ANO1: variants seen among roughly 807,000 people sequenced by gnomAD.
ANO1 encodes the protein anoctamin-1.
Under a neutral mutation model 124.0 loss-of-function variants are expected in ANO1, and 59 were observed. The ratio of observed to expected loss-of-function variants is 0.48; its 90% CI spans 0.39 to 0.59. The LOEUF is 0.59. ANO1 is among the 20% of genes least tolerant of loss of function. The pLI is 0.00. For synonymous variants in ANO1, 529 were observed against 532.0 expected, an observed-to-expected ratio of 0.99 and a Z score of 0.08; for missense variants, 1,059 against 1,328.0, an observed-to-expected ratio of 0.80 and a Z score of 3.15.
the ANO1 span, among the ~76,000 whole-genome samples, chr11:69,976,508 A>T: frequency 7.8e-4 from 2 of 2,568 alleles, no homozygotes; most frequent in Non-Finnish European, 2.3e-3. Context: ...CTCCGTCTCT[A>T]AAAAAAAAAA....
At chr11:70,026,965 T>C (rs1316217761) in intron 1 of ANO1, among the ~76,000 whole-genome samples, 2 of 152,104 alleles carry the variant, frequency 1.3e-5, no homozygotes, top group East Asian at 3.9e-4. Flanking sequence ...GGGACACTTT[T>C]CCCCTGTATC....
intron 8 of ANO1, 184 bp downstream of exon 8, chr11:70,116,683 G>A (rs972206769): frequency 2.2e-5 from 13 of 578,980 alleles, no homozygotes; most frequent in South Asian, 1.0e-4. Flanking sequence ...CGTGAGCTTT[G>A]TGTGGCTGGT....
intron 1 of ANO1, among the ~76,000 whole-genome samples, chr11:70,029,260 A>G (rs1242452794): frequency 1.3e-5 from 2 of 152,120 alleles, no homozygotes; most frequent in African/African-American, 4.8e-5. Context: ...TTTGCAGGCA[A>G]AGGGGCACCC....
At chr11:70,054,608 T>G (rs1555006619) in intron 1 of ANO1, among the ~76,000 whole-genome samples, 1 of 152,270 alleles carries the variant, frequency 6.6e-6, no homozygotes, top group Non-Finnish European at 1.5e-5. Flanking sequence ...ATTTATAACT[T>G]AACTATTTAG....
chr11:70,110,468 G>T (rs1384482616), intron 6 of ANO1, among the ~76,000 whole-genome samples: 2 of 152,130 alleles, frequency 1.3e-5, no homozygotes, highest in African/African-American at 4.8e-5. Context: ...TTACAGGCGT[G>T]AGCCACTGTG....
In ANO1 at chr11:70,078,801, T is replaced by C. The variant is rs931966295; in HGVS notation, c.108+87T>C. On this transcript the variant is annotated intron_variant, in intron 1 of 25. Transcript: ENST00000355303. ...GGAACCGGGCGGCGGCAGGGCCTCCTGGGACCCCAGGGCGGGGGCCGCACC... is the reference window on the plus strand; with the variant it reads ...GGAACCGGGCGGCGGCAGGGCCTCCCGGGACCCCAGGGCGGGGGCCGCACC... 3.4e-5 allele frequency: 29 copies of C among 857,304 alleles called. 1 individual carries two copies. In the African/African-American group the frequency reaches 5.4e-4, roughly 16 times the overall value. 53.1% of individuals were successfully genotyped at this position (857,304 alleles called of 1,614,324 possible).
intron 1 of ANO1, among the ~76,000 whole-genome samples, chr11:70,019,351 C>T (rs1335503230): frequency 2.7e-5 from 4 of 150,482 alleles, no homozygotes; most frequent in Non-Finnish European, 5.9e-5. Flanking sequence ...CATGCACACA[C>T]GCATGCAAAC....
chr11:70,111,197 T>G (rs889259473), intron 6 of ANO1: 1 of 457,966 alleles, frequency 2.2e-6, no homozygotes, highest in East Asian at 6.9e-5. Flanking sequence ...GTATGGTAAG[T>G]GTGGGCCTCC....
chr11:70,144,492 C>A (rs1163362285), intron 11 of ANO1, among the ~76,000 whole-genome samples: 1 of 152,192 alleles, frequency 6.6e-6, no homozygotes. Context: ...CCCATGCTCA[C>A]CCTGATGAGA....
At chr11:70,139,448 C>T (rs191280135) in intron 11 of ANO1, among the ~76,000 whole-genome samples, 83 of 152,282 alleles carry the variant, frequency 5.5e-4, no homozygotes, top group African/African-American at 1.9e-3. Flanking sequence ...CTCAGCCTCC[C>T]GAGTAGCTGG....
At chr11:70,058,559 G>T (rs782572875) in intron 1 of ANO1, among the ~76,000 whole-genome samples, 1 of 152,186 alleles carries the variant, frequency 6.6e-6, no homozygotes, top group Non-Finnish European at 1.5e-5. Context: ...TGAATTTTCT[G>T]TCTAGCCTGC....
intron 8 of ANO1, among the ~76,000 whole-genome samples, chr11:70,122,146 G>A (rs2046313087): frequency 1.8e-5 from 2 of 111,552 alleles, no homozygotes; most frequent in Non-Finnish European, 3.5e-5. Context: ...ATCTGCCTCT[G>A]TCTCTGTCTC....
At chr11:70,179,982 C>T (rs199682976) in intron 22 of ANO1, 22 bp from the exon 23 acceptor site, 14 of 1,609,212 alleles carry the variant, frequency 8.7e-6, no homozygotes, top group African/African-American at 2.7e-5. Flanking sequence ...CTCTTTAAAA[C>T]TGTGACTTCT....
intron 1 of ANO1, among the ~76,000 whole-genome samples, chr11:70,050,772 C>T (rs1266330108): frequency 4.6e-5 from 7 of 152,202 alleles, no homozygotes; most frequent in African/African-American, 1.7e-4. Context: ...TCAAATCCTA[C>T]TCTGCTATTC....
intron 2 of ANO1, among the ~76,000 whole-genome samples, chr11:70,095,427 A>AAAAGAAAGAAAAGAAAGAAAAGAAAG (rs1465646549): frequency 5.2e-4 from 16 of 30,690 alleles, no homozygotes; most frequent in Admixed American, 1.8e-3. Flanking sequence ...AGAAAGAAAG[A>AAAAGAAAGAAAAGAAAGAAAAGAAAG]AAAGAAAAGA....
intron 10 of ANO1, among the ~76,000 whole-genome samples, chr11:70,127,401 C>G (rs1056543499): frequency 1.4e-4 from 22 of 152,178 alleles, no homozygotes; most frequent in South Asian, 4.1e-4. Context: ...AGGCAGGCAT[C>G]TGAATGTAGA....
intron 18 of ANO1, among the ~76,000 whole-genome samples, chr11:70,162,570 G>A (rs1281785650): frequency 1.3e-5 from 2 of 152,062 alleles, no homozygotes; most frequent in Non-Finnish European, 2.9e-5. Context: ...CCCAGGCTGC[G>A]GTGGGGCCTG....
the ANO1 span, among the ~76,000 whole-genome samples, chr11:69,976,024 CA>C: frequency 2.0e-5 from 3 of 152,176 alleles, no homozygotes; most frequent in African/African-American, 7.2e-5. Context: ...CGCCTGTCCC[CA>C]CCATGCTCTG....
At chr11:70,063,088 C>G (rs1292613180) in intron 1 of ANO1, among the ~76,000 whole-genome samples, 1 of 152,130 alleles carries the variant, frequency 6.6e-6, no homozygotes, top group African/African-American at 2.4e-5. Flanking sequence ...TGCCACCACG[C>G]CCAGCTAATT....
Sources: gnomAD v4.1 joint callset for allele counts (sites outside exome capture counted in the v4.1 genomes callset) on GRCh38, gnomAD v4.1.1 for gene constraint, MANE v1.5 for transcripts, NCBI Gene and HGNC (gene_info 2026-07-23, HGNC 2026-07-21) for gene names.